Variants in MTSS1 observed in about 807,000 individuals in gnomAD.
MTSS1 encodes the protein MTSS I-BAR domain containing 1.
Under a neutral mutation model 79.0 loss-of-function variants are expected in MTSS1, and 18 were observed. That is an observed-to-expected ratio of 0.23 (90% CI 0.16 to 0.34). The LOEUF is 0.34. Among genes scored for constraint, MTSS1 ranks in the 10% least tolerant of loss-of-function variants. The probability of loss-of-function intolerance (pLI) is 1.00; values close to 1 mark genes in which losing one functional copy is unlikely to be tolerated. For synonymous variants in MTSS1, 341 were observed against 368.6 expected, an observed-to-expected ratio of 0.93 and a Z score of 0.86; for missense variants, 815 against 986.2, an observed-to-expected ratio of 0.83 and a Z score of 2.33.
rs770762471 is a variant in MTSS1, at chr8:124,691,276, CTG to C, written c.208+8248_208+8249del. ...ACTAGGGCAATGGCAGCTCTAAAAT[CTG>C]TGTATAGGAGGGCTTAGGAGCTGGA... On this transcript the variant is annotated intron_variant, in intron 3 of 13. Coordinates refer to ENST00000518547, the MANE Select transcript of MTSS1 (RefSeq NM_014751.6). Among the ~76,000 whole-genome samples, 20 of 152,260 alleles carry C rather than the reference CTG, an allele frequency of 1.3e-4. No homozygotes were observed. In the South Asian group the frequency reaches 2.5e-3, roughly 19 times the overall value.
At chr8:124,710,000 C>T (rs188855429) in intron 1 of MTSS1, among the ~76,000 whole-genome samples, 180 of 152,344 alleles carry the variant, frequency 1.2e-3, no homozygotes, top group African/African-American at 4.2e-3. Context: ...CCCCTTTGGA[C>T]TGTGGAACAA....
At chr8:124,565,615 A>G (rs1017397343) in intron 9 of MTSS1, 47 bp downstream of exon 9, 1 of 1,532,358 alleles carries the variant, frequency 6.5e-7, no homozygotes, top group Non-Finnish European at 9.0e-7. Flanking sequence ...TAGCATAAAG[A>G]AAAATGACCC....
intron 3 of MTSS1, among the ~76,000 whole-genome samples, chr8:124,622,895 C>A (rs1813882774): frequency 6.6e-6 from 1 of 152,048 alleles, no homozygotes; most frequent in South Asian, 2.1e-4. Context: ...TGTTGTACAC[C>A]TTAAATATAC....
rs759780362 is a variant in MTSS1 at position 124,553,570 on chromosome 8, C to T, written c.1690G>A (p.Ala564Thr). 48 of 1,614,028 alleles carry T rather than the reference C, an allele frequency of 3.0e-5. 1 individual carries two copies. The highest frequency in any genetic ancestry group is 4.1e-5 in the Non-Finnish European group (48 of 1,180,030). ...ISQSYRRMFQ[A>T]KRPASTAGLP... is the part of the protein sequence containing the mutation. ...CCAGCAGTTGAGGCTGGACGCTTGG[C>T]TTGGAACATCCGTCGGTAGGACTGG... The change falls in exon 14 of 14, where the codon GCC becomes ACC. Residue 564 changes from alanine to threonine, a missense_variant. Ala to Thr is a moderately conservative substitution (Grantham distance 58). Around this residue, in one of 2 missense-constraint regions of MTSS1, gnomAD observed 590 missense variants for 620.8 expected, o/e 0.95. Coordinates refer to ENST00000518547, the MANE Select transcript of MTSS1 (RefSeq NM_014751.6). This position sits in a 1 kb window ranked among gnomAD's most constrained non-coding sequence, Gnocchi z 6.0.
intron 3 of MTSS1, among the ~76,000 whole-genome samples, chr8:124,694,335 G>A (rs761078234): frequency 2.0e-5 from 3 of 151,890 alleles, no homozygotes; most frequent in African/African-American, 7.3e-5. Context: ...ATTTTCATCT[G>A]CCTCTGTAAT....
chr8:124,725,200 C>T (rs1833520190), intron 1 of MTSS1, among the ~76,000 whole-genome samples: 1 of 152,154 alleles, frequency 6.6e-6, no homozygotes, highest in African/African-American at 2.4e-5. Flanking sequence ...ACCTTACTGC[C>T]TGAAAAGGAT....
At chr8:124,585,750 G>C (rs1830750876) in intron 5 of MTSS1, among the ~76,000 whole-genome samples, 1 of 152,032 alleles carries the variant, frequency 6.6e-6, no homozygotes, top group African/African-American at 2.4e-5. Flanking sequence ...CAATTTCTCA[G>C]CTCAAGTATC....
Position 124,613,289 on chromosome 8 carries a change from A to G in MTSS1, c.209-22054T>C, listed in dbSNP as rs77633464. The stretch of plus-strand genomic sequence containing the variant: ...CTGAATCTTTGTTTCTTCATCCAAC[A>G]GGAGCTGCTCCACAGTGTTATCAAG... On this transcript the variant is annotated intron_variant, in intron 3 of 13. Transcript: ENST00000518547. 1.4e-3 allele frequency among the ~76,000 whole-genome samples: 209 copies of G among 152,362 alleles called. 7 individuals are homozygous for G. The East Asian group carries it at 0.031, about 22-fold the overall frequency.
chr8:124,727,382 C>G lies in MTSS1; in HGVS notation c.72+502G>C, dbSNP rs1306616883. On this transcript the variant is annotated intron_variant, in intron 1 of 13. Transcript: ENST00000518547. The surrounding 1 kb of genome is among the most constrained non-coding windows in gnomAD (Gnocchi z 4.7). Reference sequence around the variant, plus strand: ...GCTCAGATACCCCACTCCAAGTAGACCTGACAGCCAAGGAGGGACTGGCTT... The same window carrying G: ...GCTCAGATACCCCACTCCAAGTAGAGCTGACAGCCAAGGAGGGACTGGCTT... Among the ~76,000 whole-genome samples the G allele has an allele frequency of 6.6e-6, 1 of 152,172 alleles. No individual in the cohort carries two copies. The highest frequency in any genetic ancestry group is 1.5e-5 in the Non-Finnish European group (1 of 68,018).
At chr8:124,624,994 C>A (rs1463463114) in intron 3 of MTSS1, among the ~76,000 whole-genome samples, 1 of 152,230 alleles carries the variant, frequency 6.6e-6, no homozygotes, top group Non-Finnish European at 1.5e-5. Flanking sequence ...GCTGTAACAA[C>A]ACGTGCCCCA....
rs1830636296 is a variant in MTSS1 at position 124,585,166 on chromosome 8, G to A, written c.386-5C>T. The A allele has an allele frequency of 6.2e-7, 1 of 1,608,418 alleles. No individual in the cohort carries two copies. Among genetic ancestry groups the A allele is most frequent in the South Asian group, 1.1e-5 (1 of 90,444 alleles). ...CTTGGCGGGCTTTCTTATATTCTAAGAGAAAGCAGAATATGGAACAATTTT... is the reference window on the plus strand; with the variant it reads ...CTTGGCGGGCTTTCTTATATTCTAAAAGAAAGCAGAATATGGAACAATTTT... On this transcript the variant is annotated splice_region_variant and splice_polypyrimidine_tract_variant and intron_variant, in intron 5 of 13. Transcript: ENST00000518547.
intron 1 of MTSS1, among the ~76,000 whole-genome samples, chr8:124,711,318 C>G (rs954738529): frequency 4.6e-5 from 7 of 152,328 alleles, no homozygotes; most frequent in Non-Finnish European, 7.3e-5. Context: ...ATCCTGCATT[C>G]TCACTGCATG....
chr8:124,631,389 G>A (rs1258217197), intron 3 of MTSS1, among the ~76,000 whole-genome samples: 6 of 152,144 alleles, frequency 3.9e-5, no homozygotes, highest in African/African-American at 9.7e-5. Context: ...TAAAGAGTAC[G>A]TCCACGTGCT....
chr8:124,653,433 T>TA (rs1262277857), intron 3 of MTSS1, among the ~76,000 whole-genome samples: 2 of 152,138 alleles, frequency 1.3e-5, no homozygotes, highest in Non-Finnish European at 2.9e-5. Context: ...TGCTAACTTA[T>TA]AAAAAACAAG....
intron 1 of MTSS1, among the ~76,000 whole-genome samples, chr8:124,723,642 C>G (rs1225821204): frequency 1.3e-5 from 2 of 152,240 alleles, no homozygotes. Flanking sequence ...GGGCACCCAT[C>G]CCAGGCAGTT....
intron 3 of MTSS1, among the ~76,000 whole-genome samples, chr8:124,659,753 A>G (rs1399615198): frequency 3.3e-5 from 5 of 152,208 alleles, no homozygotes; most frequent in Non-Finnish European, 7.3e-5. Flanking sequence ...TGATGGGACA[A>G]CACCTGGGCC....
chr8:124,675,530 T>G (rs1049937840), intron 3 of MTSS1, among the ~76,000 whole-genome samples: 2 of 152,226 alleles, frequency 1.3e-5, no homozygotes, highest in African/African-American at 4.8e-5. Context: ...CAAAATCACT[T>G]TGAAGTGAAC....
intron 3 of MTSS1, among the ~76,000 whole-genome samples, chr8:124,611,683 A>G (rs1835850752): frequency 6.6e-6 from 1 of 152,206 alleles, no homozygotes; most frequent in Admixed American, 6.5e-5. Flanking sequence ...CATCCTGAAC[A>G]AGCTTAATGG....
rs1489275991 is a variant in MTSS1, at chr8:124,582,758, T to C, written c.460+2329A>G. ...ATGAAACAGATCCCTCGAGGTGTTC[T>C]AGTAGAAAGGGAAATGTCAGCTAAC... On this transcript the variant is annotated intron_variant, in intron 6 of 13. Coordinates refer to ENST00000518547, the MANE Select transcript of MTSS1 (RefSeq NM_014751.6). The surrounding 1 kb of genome is among the most constrained non-coding windows in gnomAD (Gnocchi z 4.8). Among the ~76,000 whole-genome samples the C allele has an allele frequency of 6.6e-6, 1 of 152,212 alleles. No individual in the cohort carries two copies. Among genetic ancestry groups the C allele is most frequent in the African/African-American group, 2.4e-5 (1 of 41,448 alleles).
Sources: gnomAD v4.1 joint callset for allele counts (sites outside exome capture counted in the v4.1 genomes callset) on GRCh38, gnomAD v4.1.1 for gene constraint, gnomAD v4.1.1 regional missense constraint, Gnocchi (gnomAD v3.1) non-coding constraint, MANE v1.5 for transcripts, NCBI Gene and HGNC (gene_info 2026-07-23, HGNC 2026-07-21) for gene names.